KICS2: variants seen among roughly 807,000 people sequenced by gnomAD.
KICS2 encodes KICSTOR complex protein C12orf66.
In KICS2, 13 loss-of-function variants were observed where a neutral mutation model predicts 31.4. That is an observed-to-expected ratio of 0.41 (90% CI 0.27 to 0.66). KICS2 has a LOEUF of 0.66. Among genes scored for constraint, KICS2 ranks in the 30% least tolerant of loss-of-function variants. The pLI, the probability that KICS2 is intolerant of heterozygous loss-of-function variation, is 0.28. For synonymous variants in KICS2, 209 were observed against 214.8 expected, an observed-to-expected ratio of 0.97 and a Z score of 0.24; for missense variants, 455 against 545.4, an observed-to-expected ratio of 0.83 and a Z score of 1.65.
chr12:64,187,076 A>G (rs1592375460), downstream of KICS2: 1 of 152,956 alleles, frequency 6.5e-6, no homozygotes, highest in African/African-American at 2.4e-5. Flanking sequence ...TGAATCAGGC[A>G]TTAGATTTAC....
intron 1 of KICS2, among the ~76,000 whole-genome samples, chr12:64,217,420 T>A (rs1042593902): frequency 6.6e-6 from 1 of 151,782 alleles, no homozygotes; most frequent in Non-Finnish European, 1.5e-5. Flanking sequence ...GAAGAAGAAT[T>A]GTCTTGGGGC....
chr12:64,209,469 C>T (rs1382527659), intron 2 of KICS2, among the ~76,000 whole-genome samples: 2 of 152,070 alleles, frequency 1.3e-5, no homozygotes, highest in East Asian at 1.9e-4. Context: ...CCTGTAATTC[C>T]AGCTACTTTG....
At chr12:64,205,026 TA>T in intron 2 of KICS2, 1 of 152,332 alleles carries the variant, frequency 6.6e-6, no homozygotes, top group Middle Eastern at 3.4e-3. Flanking sequence ...TTATAAGCAT[TA>T]AATATCACAA....
At chr12:64,218,758 C>T (rs909374300) in intron 1 of KICS2, among the ~76,000 whole-genome samples, 3 of 150,114 alleles carry the variant, frequency 2.0e-5, no homozygotes, top group Non-Finnish European at 4.4e-5. Flanking sequence ...TCTGGGGGAA[C>T]GGAAACACTA....
At chr12:64,210,938 A>AT (rs369619231) in intron 2 of KICS2, among the ~76,000 whole-genome samples, 243 of 152,208 alleles carry the variant, frequency 1.6e-3, no homozygotes, top group African/African-American at 4.9e-3. Flanking sequence ...TAGTTACCCA[A>AT]TTTTTTTGAG....
intron 2 of KICS2, 53 bp downstream of exon 2, chr12:64,215,625 T>A: frequency 1.4e-6 from 2 of 1,474,974 alleles, no homozygotes; most frequent in Non-Finnish European, 1.9e-6. Context: ...TCTGAGCTTG[T>A]GTGGGATTGA....
intron 2 of KICS2, among the ~76,000 whole-genome samples, chr12:64,207,183 A>T (rs748901651): frequency 4.0e-5 from 6 of 151,240 alleles, no homozygotes; most frequent in Non-Finnish European, 8.8e-5. Flanking sequence ...ATGCACCTGT[A>T]GTCCCAGCTA....
chr12:64,211,461 C>A (rs1048609509), intron 2 of KICS2, among the ~76,000 whole-genome samples: 3 of 151,510 alleles, frequency 2.0e-5, no homozygotes, highest in African/African-American at 7.3e-5. Context: ...ACTAAAGATA[C>A]AAAAAAAATT....
At chr12:64,190,370 CCAAA>C (rs779422578), downstream of KICS2, among the ~76,000 whole-genome samples, 9 of 152,136 alleles carry the variant, frequency 5.9e-5, no homozygotes, top group African/African-American at 9.7e-5. Flanking sequence ...GGCTGATTTG[CCAAA>C]CAAACAAAAT....
At chr12:64,204,302 C>A (rs1267742540) in intron 2 of KICS2, among the ~76,000 whole-genome samples, 1 of 152,112 alleles carries the variant, frequency 6.6e-6, no homozygotes, top group Non-Finnish European at 1.5e-5. Flanking sequence ...CAGCAAACCA[C>A]CACGGCACAT....
intron 2 of KICS2, among the ~76,000 whole-genome samples, chr12:64,195,612 T>C (rs1408068444): frequency 6.6e-6 from 1 of 152,178 alleles, no homozygotes; most frequent in East Asian, 1.9e-4. Context: ...GATGGCCGAA[T>C]AGGAACAGCT....
rs1228790440 is a variant in KICS2, at chr12:64,191,313, T to C, written c.*2529A>G. 1 of 151,830 alleles carries C rather than the reference T, an allele frequency of 6.6e-6. No individual in the cohort carries two copies. The highest frequency in any genetic ancestry group is 6.6e-5 in the Admixed American group (1 of 15,266). The allele number at this position is 151,830 out of a possible 1,614,324, so 9.4% of individuals were successfully genotyped here. ...TATGACAGCTGCACAGTAATACATA[T>C]TGTCTTAGATTTTCTTAATATTCAC... is the stretch of plus-strand genomic sequence containing the variant. On this transcript the variant is annotated 3_prime_UTR_variant, in exon 3 of 3. Transcript: ENST00000398055.
chr12:64,217,527 G>A (rs1592389872), intron 1 of KICS2, among the ~76,000 whole-genome samples: 1 of 151,838 alleles, frequency 6.6e-6, no homozygotes, highest in Non-Finnish European at 1.5e-5. Flanking sequence ...AGCCAGACAT[G>A]GTGGCTCATG....
intron 1 of KICS2, among the ~76,000 whole-genome samples, chr12:64,219,368 A>C (rs1411666890): frequency 6.6e-6 from 1 of 152,178 alleles, no homozygotes; most frequent in Non-Finnish European, 1.5e-5. Context: ...TCCTTCCCCA[A>C]ACAGGTATTA....
chr12:64,216,611 A>G (rs2037631236), intron 1 of KICS2, among the ~76,000 whole-genome samples: 1 of 152,206 alleles, frequency 6.6e-6, no homozygotes, highest in Non-Finnish European at 1.5e-5. Context: ...TTGACACTAT[A>G]TGTTATAAAT....
chr12:64,201,965 A>T (rs752539168), intron 2 of KICS2, among the ~76,000 whole-genome samples: 35 of 152,238 alleles, frequency 2.3e-4, no homozygotes, highest in Non-Finnish European at 4.3e-4. Flanking sequence ...GGCACTGAAT[A>T]ATGTAGTCCC....
intron 2 of KICS2, among the ~76,000 whole-genome samples, chr12:64,215,143 TA>T (rs35637675): frequency 0.74 from 108,179 of 145,620 alleles, 40,450 homozygotes; most frequent in East Asian, 0.94. Flanking sequence ...CCGTCTCTAC[TA>T]AAAAAAAAAA....
intron 2 of KICS2, among the ~76,000 whole-genome samples, chr12:64,215,143 TAA>T (rs35637675): frequency 1.6e-3 from 238 of 145,432 alleles, no homozygotes; most frequent in Middle Eastern, 3.5e-3. Flanking sequence ...CCGTCTCTAC[TAA>T]AAAAAAAAAA....
downstream of KICS2, chr12:64,187,675 A>C: frequency 6.5e-7 from 1 of 1,532,726 alleles, no homozygotes; most frequent in Non-Finnish European, 8.7e-7. Context: ...TAGAGAGGGA[A>C]TTGCTAAATT....
Sources: allele counts gnomAD v4.1 joint callset (sites outside exome capture counted in the v4.1 genomes callset), GRCh38; gene constraint gnomAD v4.1.1; transcripts MANE v1.5; gene names NCBI Gene and HGNC (gene_info 2026-07-23, HGNC 2026-07-21).